VPS13A: variants seen among roughly 807,000 people sequenced by gnomAD.
VPS13A encodes the protein vacuolar protein sorting 13 homolog A.
A neutral mutation model predicts 390.9 loss-of-function variants in VPS13A; 264 were observed. That is an observed-to-expected ratio of 0.68 (90% CI 0.61 to 0.75). VPS13A has a LOEUF of 0.75. Ranked by LOEUF, VPS13A falls within the 30% of genes least tolerant of loss-of-function variation. The probability of loss-of-function intolerance (pLI) is 0.00; values close to 1 mark genes in which losing one functional copy is unlikely to be tolerated. For missense variants in VPS13A, 3,409 were observed against 3,733.9 expected (o/e 0.91, Z 2.27); for synonymous variants, 1,231 against 1,227.1 (o/e 1.00, Z -0.07).
At chr9:77,224,410 A>G (rs143268179) in intron 13 of VPS13A, among the ~76,000 whole-genome samples, 27 of 152,336 alleles carry the variant, frequency 1.8e-4, no homozygotes, top group African/African-American at 6.5e-4. Flanking sequence ...TTGCCATTCT[A>G]TATGCCATTA....
At chr9:77,332,218 A>T (rs1225134640) in intron 46 of VPS13A, 105 bp downstream of exon 46, 3 of 863,028 alleles carry the variant, frequency 3.5e-6, no homozygotes, top group Non-Finnish European at 5.9e-6. Context: ...CTAATAGCTT[A>T]TCTAACGTAT....
intron 21 of VPS13A, among the ~76,000 whole-genome samples, chr9:77,251,627 A>T (rs1323147152): frequency 6.6e-6 from 1 of 151,830 alleles, no homozygotes; most frequent in Non-Finnish European, 1.5e-5. Flanking sequence ...TTTTTCTTTT[A>T]CCAGTAATAT....
intron 61 of VPS13A, among the ~76,000 whole-genome samples, 158 bp from the exon 62 acceptor site, chr9:77,367,897 G>C (rs537648037): frequency 1.3e-5 from 2 of 152,172 alleles, no homozygotes; most frequent in East Asian, 1.9e-4. Context: ...GATATGCAGA[G>C]ATGTATGTAA....
chr9:77,316,490 A>G lies in VPS13A; in HGVS notation c.4863+84A>G, dbSNP rs555795183. On this transcript the variant is annotated intron_variant, in intron 39 of 71. Coordinates refer to ENST00000360280, the MANE Select transcript of VPS13A (RefSeq NM_033305.3). The stretch of plus-strand genomic sequence containing the variant: ...ATTTTAGGAAACAAAAACTACCTAC[A>G]TGCTTTCCAACCTTGCTCTGTAAAA... 53 of 1,122,518 alleles carry G rather than the reference A, an allele frequency of 4.7e-5. No individual in the cohort carries two copies. The South Asian group carries it at 5.8e-4, about 12-fold the overall frequency. 69.5% of individuals were successfully genotyped at this position (1,122,518 alleles called of 1,614,324 possible). A position where few individuals can be genotyped will look rare whatever the true frequency, so the allele number is the denominator to read the frequency against.
intron 1 of VPS13A, among the ~76,000 whole-genome samples, chr9:77,194,542 C>T (rs1457272045): frequency 6.6e-6 from 1 of 152,142 alleles, no homozygotes; most frequent in East Asian, 1.9e-4. Flanking sequence ...GGGCTCCGTG[C>T]AGACTGGAGT....
chr9:77,378,175 T>C (rs751322379), intron 67 of VPS13A, among the ~76,000 whole-genome samples: 5 of 152,206 alleles, frequency 3.3e-5, no homozygotes, highest in Non-Finnish European at 5.9e-5. Context: ...CCTCACAGAA[T>C]GATTTAGGAA....
At chr9:77,193,441 C>G (rs1413321880) in intron 1 of VPS13A, among the ~76,000 whole-genome samples, 1 of 152,068 alleles carries the variant, frequency 6.6e-6, no homozygotes, top group Admixed American at 6.6e-5. Context: ...CAAGACCAGC[C>G]TGGCCAACAT....
chr9:77,249,119 ATATC>A (rs950174944), intron 20 of VPS13A, among the ~76,000 whole-genome samples: 48 of 152,166 alleles, frequency 3.2e-4, no homozygotes, highest in African/African-American at 1.1e-3. Flanking sequence ...ATGTAGAGGA[ATATC>A]TATCACAATT....
intron 20 of VPS13A, among the ~76,000 whole-genome samples, chr9:77,248,736 T>C (rs1824976728): frequency 6.6e-6 from 1 of 152,136 alleles, no homozygotes; most frequent in Non-Finnish European, 1.5e-5. Context: ...ACTGTATTTT[T>C]TGTTTTTGTT....
chr9:77,261,244 A>C (rs540172145), intron 23 of VPS13A, among the ~76,000 whole-genome samples: 147 of 152,190 alleles, frequency 9.7e-4, no homozygotes, highest in African/African-American at 3.5e-3. Flanking sequence ...TATACACACT[A>C]TTCTGAATCT....
Position 77,344,267 on chromosome 9 carries a change from C to A in VPS13A, c.7141C>A (p.Arg2381Ser), listed in dbSNP as rs761657969. 1.2e-6 allele frequency: 2 copies of A among 1,613,138 alleles called. No individual in the cohort carries two copies. Among genetic ancestry groups the A allele is most frequent in the South Asian group, 2.2e-5 (2 of 90,958 alleles). ...FNKQENCILL[R>S]LDNELGGIIA... ...CAAGCAGGAAAATTGTATTCTATTGCGTCTAGATAACGAGGTAAGTTTTTT... is the reference window on the plus strand; with the variant it reads ...CAAGCAGGAAAATTGTATTCTATTGAGTCTAGATAACGAGGTAAGTTTTTT... The change falls in exon 51 of 72, where the codon CGT becomes AGT. Residue 2381 changes from arginine (R) to serine (S), a missense_variant. Coordinates refer to ENST00000360280, the MANE Select transcript of VPS13A (RefSeq NM_033305.3).
At chr9:77,373,755 T>C (rs1300543085) in intron 67 of VPS13A, among the ~76,000 whole-genome samples, 3 of 150,960 alleles carry the variant, frequency 2.0e-5, no homozygotes. Flanking sequence ...AGGGCTAATA[T>C]CCAGAATCTA....
Position 77,200,312 on chromosome 9 carries a change from C to G in VPS13A, c.144+324C>G, listed in dbSNP as rs543584017. Among the ~76,000 whole-genome samples, 203 of 152,104 alleles carry G rather than the reference C, an allele frequency of 1.3e-3. 1 individual carries two copies. Among genetic ancestry groups the G allele is most frequent in the African/African-American group, 4.2e-3 (175 of 41,482 alleles). ...GACTAGCCTGGCCAACATGGTGAAA[C>G]CCCATCTCTACTAAAAATGCAAAAA... On this transcript the variant is annotated intron_variant, in intron 2 of 71. Transcript: ENST00000360280.
Position 77,366,730 on chromosome 9 carries a change from C to A in VPS13A, c.8329C>A (p.His2777Asn), listed in dbSNP as rs1832452259. 1.9e-6 allele frequency: 3 copies of A among 1,610,472 alleles called. No individual in the cohort carries two copies. Among genetic ancestry groups the A allele is most frequent in the Non-Finnish European group, 1.7e-6 (2 of 1,177,660 alleles). Reference sequence around the variant, plus strand: ...ATTTATCTCTTTATCTTTTTAGTTACATTTAAGTGTTTCACTGAGTTCCGG... The same window carrying A: ...ATTTATCTCTTTATCTTTTTAGTTAAATTTAAGTGTTTCACTGAGTTCCGG... ...EYFHISPIKLHLSVSLSSGRE... is the reference protein window; with the variant it reads ...EYFHISPIKLNLSVSLSSGRE... Residue 2777 changes from histidine (H) to asparagine (N), a missense_variant, in exon 61 of 72, where the codon CAT (histidine) becomes AAT (asparagine). His to Asn is a moderately conservative substitution (Grantham distance 68, BLOSUM62 1). Transcript: ENST00000360280.
At chr9:77,304,038 C>T (rs1246738803) in intron 34 of VPS13A, among the ~76,000 whole-genome samples, 1 of 152,162 alleles carries the variant, frequency 6.6e-6, no homozygotes, top group African/African-American at 2.4e-5. Context: ...AGGTCTTTCT[C>T]ATCCCACGAG....
chr9:77,334,562 C>G (rs928919563), intron 46 of VPS13A, among the ~76,000 whole-genome samples: 1 of 152,154 alleles, frequency 6.6e-6, no homozygotes, highest in African/African-American at 2.4e-5. Context: ...GCCAACCACT[C>G]TGCCCTCAGT....
At chr9:77,188,063 C>G (rs988979516) in intron 1 of VPS13A, among the ~76,000 whole-genome samples, 5 of 152,146 alleles carry the variant, frequency 3.3e-5, no homozygotes, top group African/African-American at 1.2e-4. Context: ...TGCAATAGTT[C>G]TTGCAAGATC....
At chr9:77,178,245 C>G (rs1270683862) in intron 1 of VPS13A, 1 of 168,514 alleles carries the variant, frequency 5.9e-6, no homozygotes, top group African/African-American at 2.4e-5. Flanking sequence ...CCAGAAATCC[C>G]CCGCGTGTTG....
chr9:77,302,367 C>CTTTTTTTTT (rs750574896), intron 33 of VPS13A, among the ~76,000 whole-genome samples: 1 of 136,044 alleles, frequency 7.4e-6, no homozygotes, highest in Non-Finnish European at 1.6e-5. Flanking sequence ...ATATTTTTCC[C>CTTTTTTTTT]CTTTTTTTTT....
Sources: allele counts gnomAD v4.1 joint callset (sites outside exome capture counted in the v4.1 genomes callset), GRCh38; gene constraint gnomAD v4.1.1; transcripts MANE v1.5; gene names NCBI Gene and HGNC (gene_info 2026-07-23, HGNC 2026-07-21).